Variants in PDE7A observed in about 807,000 individuals in gnomAD.
The protein encoded by PDE7A is phosphodiesterase 7A, also known as high affinity 3',5'-cyclic-AMP phosphodiesterase 7A.
A neutral mutation model predicts 64.3 loss-of-function variants in PDE7A; 39 were observed. The ratio of observed to expected loss-of-function variants is 0.61; its 90% CI spans 0.47 to 0.79. The LOEUF is 0.79. PDE7A is among the 30% of genes least tolerant of loss of function. The pLI, the probability that PDE7A is intolerant of heterozygous loss-of-function variation, is 0.00. For missense variants in PDE7A, 470 were observed against 582.8 expected (o/e 0.81, Z 1.99); for synonymous variants, 203 against 206.8 (o/e 0.98, Z 0.16).
intron 3 of PDE7A, among the ~76,000 whole-genome samples, chr8:65,771,955 G>C (rs1809107788): frequency 6.6e-6 from 1 of 150,722 alleles, no homozygotes; most frequent in South Asian, 2.1e-4. Flanking sequence ...ATAACGGTTA[G>C]TTAGGAGAAT....
chr8:65,797,184 C>A (rs191182015), intron 1 of PDE7A, among the ~76,000 whole-genome samples: 3 of 152,096 alleles, frequency 2.0e-5, no homozygotes, highest in African/African-American at 7.2e-5. Flanking sequence ...TTGTGTCCCC[C>A]CAAAAGATAT....
chr8:65,759,498 T>TACTGGTTC (rs1459363391), intron 3 of PDE7A, among the ~76,000 whole-genome samples: 1 of 152,186 alleles, frequency 6.6e-6, no homozygotes, highest in Non-Finnish European at 1.5e-5. Context: ...GGGGGATGGC[T>TACTGGTTC]ACTGGTTCAC....
At chr8:65,811,794 G>A (rs745614238) in intron 1 of PDE7A, among the ~76,000 whole-genome samples, 6 of 152,038 alleles carry the variant, frequency 3.9e-5, no homozygotes, top group Admixed American at 1.3e-4. Context: ...AAACATACAC[G>A]CAAGGTCAGG....
intron 1 of PDE7A, among the ~76,000 whole-genome samples, chr8:65,786,869 T>A (rs16932346): frequency 0.18 from 27,864 of 152,100 alleles, 3,393 homozygotes; most frequent in African/African-American, 0.36. Flanking sequence ...TCAGAAACTG[T>A]CAGCAGTAGC....
At chr8:65,822,641 T>C (rs1209938048) in intron 1 of PDE7A, among the ~76,000 whole-genome samples, 1 of 152,202 alleles carries the variant, frequency 6.6e-6, no homozygotes, top group Non-Finnish European at 1.5e-5. Flanking sequence ...GAGTTAATCC[T>C]AGGCTGTAAC....
At chr8:65,766,635 A>T (rs1808800239) in intron 3 of PDE7A, among the ~76,000 whole-genome samples, 1 of 152,158 alleles carries the variant, frequency 6.6e-6, no homozygotes, top group Non-Finnish European at 1.5e-5. Flanking sequence ...TCTCCCATGC[A>T]TCACCCTCTC....
intron 7 of PDE7A, among the ~76,000 whole-genome samples, chr8:65,730,492 A>T (rs566944528): frequency 6.6e-6 from 1 of 152,070 alleles, no homozygotes; most frequent in South Asian, 2.1e-4. Context: ...CACACTTCTT[A>T]TAAGAATCTA....
intron 6 of PDE7A, among the ~76,000 whole-genome samples, chr8:65,737,819 T>G (rs1807215747): frequency 6.6e-6 from 1 of 152,158 alleles, no homozygotes; most frequent in Non-Finnish European, 1.5e-5. Flanking sequence ...ATGCCCAGCA[T>G]GTATGAAATA....
At chr8:65,730,511 T>C (rs1055771226) in intron 7 of PDE7A, among the ~76,000 whole-genome samples, 1 of 152,092 alleles carries the variant, frequency 6.6e-6, no homozygotes, top group African/African-American at 2.4e-5. Flanking sequence ...TAATGCCTGA[T>C]GATCTGAAGT....
chr8:65,740,276 C>T (rs1490820387), intron 5 of PDE7A, among the ~76,000 whole-genome samples: 5 of 152,154 alleles, frequency 3.3e-5, no homozygotes, highest in Admixed American at 6.5e-5. Flanking sequence ...GGCTCTTTCA[C>T]GTTTTAAAAT....
intron 10 of PDE7A, 146 bp downstream of exon 10, chr8:65,724,631 G>T: frequency 2.9e-6 from 2 of 678,464 alleles, no homozygotes; most frequent in African/African-American, 1.8e-5. Flanking sequence ...TCTCCTTTTG[G>T]AAGGAGTGTG....
At chr8:65,754,430 T>C (rs1417579486) in intron 3 of PDE7A, among the ~76,000 whole-genome samples, 1 of 151,804 alleles carries the variant, frequency 6.6e-6, no homozygotes, top group East Asian at 2.0e-4. Context: ...TTTCAACCTC[T>C]TTGTTCAAAC....
At chr8:65,735,364 A>G (rs1478861444) in intron 6 of PDE7A, among the ~76,000 whole-genome samples, 1 of 152,188 alleles carries the variant, frequency 6.6e-6, no homozygotes, top group African/African-American at 2.4e-5. Flanking sequence ...GCTGGAGTGC[A>G]GTGACATGAT....
chr8:65,759,110 C>T (rs567980638), intron 3 of PDE7A, among the ~76,000 whole-genome samples: 2 of 152,334 alleles, frequency 1.3e-5, no homozygotes, highest in South Asian at 4.1e-4. Flanking sequence ...TACTTGCTTG[C>T]ATTTTACGTC....
intron 7 of PDE7A, among the ~76,000 whole-genome samples, chr8:65,729,123 TCTGTTAAGAG>T (rs1290779224): frequency 6.6e-6 from 1 of 152,156 alleles, no homozygotes; most frequent in African/African-American, 2.4e-5. Context: ...TGTGATTACA[TCTGTTAAGAG>T]CTGACAACAA....
In PDE7A at chr8:65,762,715, A is replaced by AT. The variant is rs201855355; in HGVS notation, c.284-14913dup. 6.7e-3 allele frequency among the ~76,000 whole-genome samples: 1,016 copies of AT among 151,040 alleles called. 12 individuals carry two copies. The highest frequency in any genetic ancestry group is 0.023 in the African/African-American group (961 of 41,442). On this transcript the variant is annotated intron_variant, in intron 3 of 12. Transcript: ENST00000401827. ...CAAATATTTTTAAATATGTCATACC[A>AT]TTTTTTTTAACAAAACCAGATTTAT...
intron 1 of PDE7A, among the ~76,000 whole-genome samples, chr8:65,796,282 A>C (rs965113446): frequency 2.6e-5 from 4 of 152,138 alleles, no homozygotes; most frequent in African/African-American, 9.6e-5. Context: ...ACAACTATCA[A>C]TCCATATGTC....
At chr8:65,750,032 G>A (rs1015395118) in intron 3 of PDE7A, among the ~76,000 whole-genome samples, 1 of 302 alleles carries the variant, frequency 3.3e-3, no homozygotes. Context: ...GCATGAATAT[G>A]TGGGGGAGGA....
chr8:65,813,232 G>A (rs560638482), intron 1 of PDE7A, among the ~76,000 whole-genome samples: 1 of 152,194 alleles, frequency 6.6e-6, no homozygotes, highest in South Asian at 2.1e-4. Flanking sequence ...ACCACTTCTA[G>A]AAATGAATGT....
Sources: gnomAD v4.1 joint callset for allele counts (sites outside exome capture counted in the v4.1 genomes callset) on GRCh38, gnomAD v4.1.1 for gene constraint, MANE v1.5 for transcripts, NCBI Gene and HGNC (gene_info 2026-07-23, HGNC 2026-07-21) for gene names.